Variants in ITFG1 observed in about 807,000 individuals in gnomAD.
The protein encoded by ITFG1 is integrin alpha FG-GAP repeat containing 1, also known as T-cell immunomodulatory protein.
ITFG1 carries 34 observed loss-of-function variants against 81.8 expected under a neutral mutation model. That is an observed-to-expected ratio of 0.42 (90% CI 0.32 to 0.55). ITFG1 has a LOEUF of 0.55. ITFG1 is among the 20% of genes least tolerant of loss of function. The probability of loss-of-function intolerance (pLI) is 0.17; values close to 1 mark genes in which losing one functional copy is unlikely to be tolerated. For synonymous variants in ITFG1, 285 were observed against 270.6 expected (o/e 1.05, Z -0.52); for missense variants, 672 against 755.4 (o/e 0.89, Z 1.29).
chr16:47,323,537 A>G (rs1967481450), intron 8 of ITFG1, among the ~76,000 whole-genome samples: 1 of 152,152 alleles, frequency 6.6e-6, no homozygotes, highest in Non-Finnish European at 1.5e-5. Flanking sequence ...GTAAGAAATA[A>G]ATTTCTTTTC....
chr16:47,365,591 T>A, intron 8 of ITFG1, 197 bp downstream of exon 8: 1 of 466,810 alleles, frequency 2.1e-6, no homozygotes, highest in Non-Finnish European at 3.8e-6. Context: ...AAACACATCA[T>A]AAATTTCTCC....
chr16:47,323,508 CT>C (rs1967480939), intron 8 of ITFG1, among the ~76,000 whole-genome samples: 1 of 152,136 alleles, frequency 6.6e-6, no homozygotes, highest in South Asian at 2.1e-4. Flanking sequence ...TGACTTTGGA[CT>C]TCTCAGATTA....
chr16:47,266,841 A>G (rs966384673), intron 10 of ITFG1, among the ~76,000 whole-genome samples: 1 of 152,244 alleles, frequency 6.6e-6, no homozygotes, highest in Non-Finnish European at 1.5e-5. Context: ...AAAATGTGGT[A>G]TATCTATATA....
intron 14 of ITFG1, among the ~76,000 whole-genome samples, chr16:47,215,775 T>C (rs1338889951): frequency 2.0e-5 from 3 of 152,238 alleles, no homozygotes; most frequent in African/African-American, 7.2e-5. Flanking sequence ...GAGAATATTA[T>C]AAAATGGGAT....
At chr16:47,351,296 G>A (rs1280840604) in intron 8 of ITFG1, among the ~76,000 whole-genome samples, 3 of 152,192 alleles carry the variant, frequency 2.0e-5, no homozygotes, top group African/African-American at 4.8e-5. Flanking sequence ...TGACATGATT[G>A]TACATCTAGA....
intron 8 of ITFG1, among the ~76,000 whole-genome samples, chr16:47,348,417 A>C (rs973686149): frequency 7.2e-5 from 11 of 152,248 alleles, no homozygotes; most frequent in Admixed American, 3.3e-4. Flanking sequence ...ACAAATGCAT[A>C]AGCTTCAATA....
chr16:47,291,712 T>C (rs1400810540), intron 10 of ITFG1, among the ~76,000 whole-genome samples: 3 of 152,222 alleles, frequency 2.0e-5, no homozygotes, highest in African/African-American at 7.2e-5. Flanking sequence ...CTTTCTTAAG[T>C]CTGATGAAGT....
intron 6 of ITFG1, among the ~76,000 whole-genome samples, chr16:47,390,278 C>T (rs1322241834): frequency 6.6e-6 from 1 of 152,242 alleles, no homozygotes; most frequent in East Asian, 1.9e-4. Flanking sequence ...CAGAGAATTC[C>T]TAAGGAAGCA....
Position 47,378,481 on chromosome 16 carries a change from G to T in ITFG1, c.656-2541C>A, listed in dbSNP as rs74016205. Among the ~76,000 whole-genome samples the T allele has an allele frequency of 6.9e-3, 1,051 of 152,156 alleles. 13 individuals carry two copies. Among genetic ancestry groups the T allele is most frequent in the African/African-American group, 0.024 (979 of 41,498 alleles). ...ACCAATTCAAAAATTTTTTTCCACTGGTGTTCTATTAGTCAGAATCTATAT... is the reference window on the plus strand; with the variant it reads ...ACCAATTCAAAAATTTTTTTCCACTTGTGTTCTATTAGTCAGAATCTATAT... On this transcript the variant is annotated intron_variant, in intron 6 of 17. Transcript: ENST00000320640.
Position 47,155,575 on chromosome 16 carries a change from ATATT to A in ITFG1, c.*140_*143del. Reference sequence around the variant, plus strand: ...AAAGACCTTGTGACATATTCAAACCATATTTATTTGAATACTTTCCAATAATTAC... The same window carrying A: ...AAAGACCTTGTGACATATTCAAACCATATTTGAATACTTTCCAATAATTAC... On this transcript the variant is annotated 3_prime_UTR_variant, in exon 18 of 18. Coordinates refer to ENST00000320640, the MANE Select transcript of ITFG1 (RefSeq NM_030790.5). The A allele has an allele frequency of 1.6e-6, 1 of 630,000 alleles. No homozygotes were observed. The highest frequency in any genetic ancestry group is 2.7e-6 in the Non-Finnish European group (1 of 366,912). The allele number at this position is 630,000 out of a possible 1,614,324, so 39.0% of individuals were successfully genotyped here.
At chr16:47,268,921 T>C (rs181852817) in intron 10 of ITFG1, among the ~76,000 whole-genome samples, 1 of 152,202 alleles carries the variant, frequency 6.6e-6, no homozygotes, top group African/African-American at 2.4e-5. Flanking sequence ...TACAATCATC[T>C]AATAAAAGGC....
intron 8 of ITFG1, among the ~76,000 whole-genome samples, chr16:47,359,442 CTT>C (rs1968081968): frequency 6.6e-6 from 1 of 152,184 alleles, no homozygotes; most frequent in Admixed American, 6.5e-5. Context: ...AATCAGTCTT[CTT>C]TTTCTCTTCC....
chr16:47,353,071 A>AG (rs1394120381), intron 8 of ITFG1, among the ~76,000 whole-genome samples: 2 of 140,544 alleles, frequency 1.4e-5, no homozygotes, highest in East Asian at 4.5e-4. Flanking sequence ...GGGTAGGGTG[A>AG]GGGGGGAGGG....
chr16:47,222,558 C>T (rs1965706393), intron 13 of ITFG1, among the ~76,000 whole-genome samples: 1 of 152,066 alleles, frequency 6.6e-6, no homozygotes, highest in Non-Finnish European at 1.5e-5. Context: ...GGACTACAGG[C>T]ACCCGCCACC....
At chr16:47,314,758 T>A (rs1163335064) in intron 8 of ITFG1, among the ~76,000 whole-genome samples, 2 of 152,230 alleles carry the variant, frequency 1.3e-5, no homozygotes, top group African/African-American at 4.8e-5. Flanking sequence ...GATTTTGTAT[T>A]GCTTTAATCA....
chr16:47,437,722 C>A (rs948212168), intron 5 of ITFG1, among the ~76,000 whole-genome samples: 1 of 152,164 alleles, frequency 6.6e-6, no homozygotes, highest in Non-Finnish European at 1.5e-5. Flanking sequence ...GGGTTGGAGC[C>A]AAGATGGCCA....
At chr16:47,403,329 T>C (rs1360771663) in intron 6 of ITFG1, among the ~76,000 whole-genome samples, 4 of 152,046 alleles carry the variant, frequency 2.6e-5, no homozygotes, top group African/African-American at 9.7e-5. Context: ...GGGTCCACTG[T>C]ATTATATTAT....
chr16:47,422,813 T>C (rs374204568), intron 6 of ITFG1, among the ~76,000 whole-genome samples: 3 of 152,162 alleles, frequency 2.0e-5, no homozygotes, highest in Non-Finnish European at 4.4e-5. Context: ...TGATGGTAGT[T>C]TGTATTTCTG....
intron 14 of ITFG1, among the ~76,000 whole-genome samples, chr16:47,178,276 T>G (rs561613501): frequency 1.3e-5 from 2 of 152,332 alleles, no homozygotes; most frequent in African/African-American, 4.8e-5. Flanking sequence ...ACTTGGACTT[T>G]GGGAAAATCT....
Sources: allele counts gnomAD v4.1 joint callset (sites outside exome capture counted in the v4.1 genomes callset), GRCh38; gene constraint gnomAD v4.1.1; transcripts MANE v1.5; gene names NCBI Gene and HGNC (gene_info 2026-07-23, HGNC 2026-07-21).